Variants in RANBP2 observed in about 807,000 individuals in gnomAD.
The protein encoded by RANBP2 is RAN binding protein 2.
In RANBP2, 57 loss-of-function variants were observed where a neutral mutation model predicts 303.6. That is an observed-to-expected ratio of 0.19 (90% CI 0.15 to 0.23). The LOEUF is 0.23. Among genes scored for constraint, RANBP2 ranks in the 10% least tolerant of loss-of-function variants. The pLI is 1.00. For synonymous variants in RANBP2, 1,167 were observed against 1,301.5 expected (o/e 0.90, Z 2.23); for missense variants, 3,138 against 3,780.8 (o/e 0.83, Z 4.46).
the RANBP2 span, among the ~76,000 whole-genome samples, chr2:109,413,385 A>G: frequency 2.0e-5 from 3 of 152,108 alleles, no homozygotes; most frequent in African/African-American, 7.2e-5. Context: ...AAGTTCTGGG[A>G]TTACAGGCGT....
At chr2:109,230,071 G>A in the RANBP2 span, among the ~76,000 whole-genome samples, 170 of 151,924 alleles carry the variant, frequency 1.1e-3, 2 homozygotes, top group Non-Finnish European at 1.8e-4. Context: ...TGATCCGCCC[G>A]CCTCAGCCTC....
the RANBP2 span, among the ~76,000 whole-genome samples, chr2:109,509,748 C>A: frequency 6.6e-6 from 1 of 151,896 alleles, no homozygotes; most frequent in African/African-American, 2.4e-5. Context: ...TTAGGCCCAC[C>A]AATGGACTCA....
chr2:109,290,644 C>T, the RANBP2 span, among the ~76,000 whole-genome samples: 2 of 152,242 alleles, frequency 1.3e-5, no homozygotes, highest in East Asian at 3.9e-4. Flanking sequence ...CTCAGACGCC[C>T]TCCCTCCCTG....
chr2:109,488,093 A>T, the RANBP2 span, among the ~76,000 whole-genome samples: 1 of 152,310 alleles, frequency 6.6e-6, no homozygotes, highest in African/African-American at 2.4e-5. Context: ...AGCGGCCAGC[A>T]GCCCCAGAGC....
At chr2:109,342,077 C>T in the RANBP2 span, among the ~76,000 whole-genome samples, 2 of 152,216 alleles carry the variant, frequency 1.3e-5, no homozygotes, top group African/African-American at 2.4e-5. Flanking sequence ...CTGCTGGCCA[C>T]ATGCTGTGCT....
At chr2:109,418,948 C>G in the RANBP2 span, among the ~76,000 whole-genome samples, 1 of 152,144 alleles carries the variant, frequency 6.6e-6, no homozygotes. Flanking sequence ...CCCCCACTGT[C>G]CCCAGAGAGC....
At chr2:108,724,038 T>C (rs1694496739) in intron 1 of RANBP2, among the ~76,000 whole-genome samples, 1 of 152,228 alleles carries the variant, frequency 6.6e-6, no homozygotes, top group Non-Finnish European at 1.5e-5. Context: ...TGAGAATTCC[T>C]TTCATCTTTT....
At chr2:108,847,222 T>A in the RANBP2 span, among the ~76,000 whole-genome samples, 1 of 152,326 alleles carries the variant, frequency 6.6e-6, no homozygotes, top group Admixed American at 6.5e-5. Flanking sequence ...AAATTGCTAG[T>A]TAATTATTTT....
the RANBP2 span, among the ~76,000 whole-genome samples, chr2:109,157,425 C>T: frequency 1.3e-5 from 2 of 152,160 alleles, no homozygotes; most frequent in Non-Finnish European, 2.9e-5. Context: ...GTAATGTTGC[C>T]TTGAATATAA....
At chr2:109,161,823 A>G in the RANBP2 span, among the ~76,000 whole-genome samples, 3 of 151,954 alleles carry the variant, frequency 2.0e-5, no homozygotes, top group Non-Finnish European at 2.9e-5. Flanking sequence ...AGGGGATGCA[A>G]ATACCTCCCA....
At chr2:109,252,512 A>T in the RANBP2 span, among the ~76,000 whole-genome samples, 1 of 152,046 alleles carries the variant, frequency 6.6e-6, no homozygotes, top group African/African-American at 2.4e-5. Context: ...GGGACTGAGG[A>T]GTTTCTTGGG....
the RANBP2 span, among the ~76,000 whole-genome samples, chr2:109,179,100 G>C: frequency 6.6e-6 from 1 of 151,522 alleles, no homozygotes; most frequent in Non-Finnish European, 1.5e-5. Context: ...TTGAGCCTCA[G>C]AAGAGTCTGT....
chr2:109,118,850 C>T, the RANBP2 span, among the ~76,000 whole-genome samples: 2 of 152,110 alleles, frequency 1.3e-5, no homozygotes, highest in African/African-American at 2.4e-5. Flanking sequence ...GTCGTGGGAT[C>T]CCATAATAAA....
At chr2:109,637,610 T>C in the RANBP2 span, among the ~76,000 whole-genome samples, 2 of 152,196 alleles carry the variant, frequency 1.3e-5, no homozygotes, top group African/African-American at 4.8e-5. Flanking sequence ...ATACTGCTTG[T>C]AAACATTTTG....
chr2:108,751,185 T>G, intron 9 of RANBP2, 79 bp from the exon 10 acceptor site: 1 of 1,593,016 alleles, frequency 6.3e-7, no homozygotes, highest in Non-Finnish European at 8.6e-7. Context: ...ATATATAATG[T>G]GAATTGTTTA....
the RANBP2 span, among the ~76,000 whole-genome samples, chr2:109,474,924 A>G: frequency 6.6e-6 from 1 of 152,206 alleles, no homozygotes. Context: ...AGACATTAAA[A>G]TAGCACCTTT....
Position 108,758,478 on chromosome 2 carries a change from G to T in RANBP2, c.2532G>T (p.Glu844Asp), listed in dbSNP as rs539119302. ...CATCCCCTCATCGTTGGCCCACAGA[G>T]AATTATGGACCAGACTCAGTGCCTG... is the stretch of plus-strand genomic sequence containing the variant. ...NSASPHRWPT[E>D]NYGPDSVPDG... is the part of the protein sequence containing the mutation. Residue 844 changes from glutamate to aspartate, a missense_variant, in exon 18 of 29, where the codon GAG becomes GAT. Around this residue, in one of 20 missense-constraint regions of RANBP2, gnomAD observed 194 missense variants for 197.4 expected, o/e 0.98. Coordinates refer to ENST00000283195, the MANE Select transcript of RANBP2 (RefSeq NM_006267.5). The T allele has an allele frequency of 1.2e-6, 2 of 1,611,414 alleles. No individual in the cohort carries two copies. The highest frequency in any genetic ancestry group is 1.7e-6 in the Non-Finnish European group (2 of 1,179,796).
At chr2:109,333,234 C>T in the RANBP2 span, among the ~76,000 whole-genome samples, 2 of 152,176 alleles carry the variant, frequency 1.3e-5, no homozygotes, top group African/African-American at 4.8e-5. Flanking sequence ...ATTCTCCTGC[C>T]TGTAGTTGAG....
chr2:109,130,083 G>C, the RANBP2 span: 1 of 1,366,530 alleles, frequency 7.3e-7, no homozygotes, highest in Non-Finnish European at 9.4e-7. Context: ...TGCGGGAGCT[G>C]GCGACCAGCA....
Sources: allele counts gnomAD v4.1 joint callset (sites outside exome capture counted in the v4.1 genomes callset), GRCh38; gene constraint gnomAD v4.1.1; regional missense constraint gnomAD v4.1.1; transcripts MANE v1.5; gene names NCBI Gene and HGNC (gene_info 2026-07-23, HGNC 2026-07-21).